MMP26: variants seen among roughly 807,000 people sequenced by gnomAD.
MMP26 encodes matrix metalloproteinase-26.
In MMP26, 33 loss-of-function variants were observed where a neutral mutation model predicts 31.0. The observed-to-expected ratio is 1.06, with a 90% CI of 0.81 to 1.42. MMP26 has a LOEUF of 1.42. Ranked by LOEUF, MMP26 falls within the 40% of genes most tolerant of loss-of-function variation. MMP26 has a pLI of 0.00. For missense variants in MMP26, 347 were observed against 316.1 expected (o/e 1.10, Z -0.74); for synonymous variants, 122 against 114.9 (o/e 1.06, Z -0.40).
At chr11:4,975,939 A>T (rs1846731306) in intron 2 of MMP26, among the ~76,000 whole-genome samples, 1 of 152,080 alleles carries the variant, frequency 6.6e-6, no homozygotes, top group African/African-American at 2.4e-5. Context: ...CAACCCAGCT[A>T]ATAACTTTGA....
intron 2 of MMP26, chr11:4,913,758 TG>T (rs1192728877): frequency 1.3e-5 from 2 of 152,154 alleles, no homozygotes; most frequent in African/African-American, 4.8e-5. Flanking sequence ...CAGAATACAC[TG>T]TCCTCTCTCT....
At chr11:4,877,281 A>G (rs944186157) in intron 2 of MMP26, 7 of 152,092 alleles carry the variant, frequency 4.6e-5, no homozygotes, top group African/African-American at 1.7e-4. Flanking sequence ...GGCTCTCAAC[A>G]CCTGTCTCTC....
intron 2 of MMP26, chr11:4,903,653 GGCCTAACCCTTTCTGTGTAA>G (rs1353853664): frequency 1.3e-5 from 2 of 151,918 alleles, no homozygotes; most frequent in African/African-American, 4.8e-5. Context: ...ACCAGCCCCA[GGCCTAACCCTTTCTGTGTAA>G]GCTTGATTAC....
At chr11:4,829,452 A>G (rs777572018) in intron 2 of MMP26, among the ~76,000 whole-genome samples, 2 of 152,094 alleles carry the variant, frequency 1.3e-5, no homozygotes, top group Non-Finnish European at 2.9e-5. Flanking sequence ...CTTATTTTCT[A>G]TTTTCTTTAT....
At chr11:4,718,066 C>G (rs1015058901) in intron 1 of MMP26, among the ~76,000 whole-genome samples, 1 of 152,128 alleles carries the variant, frequency 6.6e-6, no homozygotes, top group African/African-American at 2.4e-5. Flanking sequence ...AGACTGTATG[C>G]TTGTCCAGGG....
At chr11:4,831,649 C>T (rs1849647602) in intron 2 of MMP26, among the ~76,000 whole-genome samples, 1 of 152,114 alleles carries the variant, frequency 6.6e-6, no homozygotes, top group African/African-American at 2.4e-5. Flanking sequence ...TATATTTTCA[C>T]AGATGTGTAC....
intron 2 of MMP26, among the ~76,000 whole-genome samples, chr11:4,940,688 A>G (rs917979465): frequency 2.0e-5 from 3 of 152,156 alleles, no homozygotes; most frequent in Admixed American, 1.3e-4. Flanking sequence ...CTAAACGTTG[A>G]CTCAAGGGAC....
At chr11:4,957,537 C>G (rs959659499) in intron 2 of MMP26, among the ~76,000 whole-genome samples, 1 of 152,098 alleles carries the variant, frequency 6.6e-6, no homozygotes, top group Non-Finnish European at 1.5e-5. Flanking sequence ...ATGAGAAAAA[C>G]TGCAGATGTT....
At chr11:4,772,628 C>T (rs1848741308) in intron 2 of MMP26, among the ~76,000 whole-genome samples, 1 of 152,144 alleles carries the variant, frequency 6.6e-6, no homozygotes, top group Admixed American at 6.5e-5. Context: ...CTGTTCCCTG[C>T]TGTTTTCTTG....
chr11:4,778,501 C>G (rs1399196157), intron 2 of MMP26, among the ~76,000 whole-genome samples: 1 of 151,966 alleles, frequency 6.6e-6, no homozygotes, highest in Non-Finnish European at 1.5e-5. Flanking sequence ...TGTGTCTTTC[C>G]TTGCACCAAT....
chr11:4,915,577 G>T (rs1368901052), intron 2 of MMP26: 1 of 1,614,062 alleles, frequency 6.2e-7, no homozygotes, highest in Non-Finnish European at 8.5e-7. Context: ...AGATCCAGAT[G>T]TGCATGCGCT....
chr11:4,938,976 T>C (rs973505802), intron 2 of MMP26, among the ~76,000 whole-genome samples: 1 of 152,164 alleles, frequency 6.6e-6, no homozygotes, highest in African/African-American at 2.4e-5. Flanking sequence ...TATTAACTAA[T>C]ACCTAAAGCC....
In MMP26 at chr11:4,950,915, A is replaced by C. The variant is rs1490029762; in HGVS notation, c.-144-37153A>C. ...GAATATGTGGAGAACTAGAATGCTT[A>C]CACTTTGCTATTAGATGTGTAAATC... On this transcript the variant is annotated intron_variant, in intron 2 of 7. Coordinates refer to ENST00000380390, the MANE Select transcript of MMP26 (RefSeq NM_021801.5). Among the ~76,000 whole-genome samples, 4 of 124,090 alleles carry C rather than the reference A, an allele frequency of 3.2e-5. 1 individual carries two copies. The highest frequency in any genetic ancestry group is 1.1e-4 in the African/African-American group (4 of 36,706). 81.4% of individuals were successfully genotyped at this position (124,090 alleles called of 152,430 possible).
In MMP26 at chr11:4,962,522, C is replaced by T. The variant is rs1350691587; in HGVS notation, c.-144-25546C>T. Among the ~76,000 whole-genome samples the T allele has an allele frequency of 3.9e-5, 6 of 152,126 alleles. No homozygotes were observed. The South Asian group carries it at 6.2e-4, about 16-fold the overall frequency. On this transcript the variant is annotated intron_variant, in intron 2 of 7. Transcript: ENST00000380390. ...GGTCACTGTTGCTTTCTCACAGATG[C>T]CCATTGCAAGCTCAGTGGTTTCACA...
At chr11:4,706,863 A>G (rs1847787631) in intron 1 of MMP26, among the ~76,000 whole-genome samples, 1 of 152,174 alleles carries the variant, frequency 6.6e-6, no homozygotes, top group South Asian at 2.1e-4. Flanking sequence ...TGGAATCATG[A>G]AGTATTTCAT....
intron 2 of MMP26, among the ~76,000 whole-genome samples, chr11:4,844,370 T>C (rs1294988924): frequency 6.6e-6 from 1 of 152,126 alleles, no homozygotes; most frequent in African/African-American, 2.4e-5. Context: ...CTACTCAAAC[T>C]ATTCCAAAAT....
At chr11:4,860,553 C>A in intron 2 of MMP26, 2 of 464,080 alleles carry the variant, frequency 4.3e-6, no homozygotes, top group South Asian at 1.6e-5. Flanking sequence ...GTGATGCATT[C>A]AAGTTCGTCA....
chr11:4,849,516 T>C (rs547493758), intron 2 of MMP26, among the ~76,000 whole-genome samples: 2 of 152,312 alleles, frequency 1.3e-5, no homozygotes, highest in South Asian at 4.1e-4. Flanking sequence ...TGTAGTGTTA[T>C]CCTATTTTTT....
Position 4,982,003 on chromosome 11 carries a change from A to G in MMP26, c.-144-6065A>G, listed in dbSNP as rs1167204514. Among the ~76,000 whole-genome samples, 4 of 152,008 alleles carry G rather than the reference A, an allele frequency of 2.6e-5. No individual in the cohort carries two copies. In the East Asian group the frequency reaches 7.7e-4, roughly 29 times the overall value. On this transcript the variant is annotated intron_variant, in intron 2 of 7. Coordinates refer to ENST00000380390, the MANE Select transcript of MMP26 (RefSeq NM_021801.5). Reference sequence around the variant, plus strand: ...TATAACAACAATTCCTTCTTCTGAAATACCTCCTGACTGACCTGCCTGAAG... The same window carrying G: ...TATAACAACAATTCCTTCTTCTGAAGTACCTCCTGACTGACCTGCCTGAAG...
Sources: gnomAD v4.1 joint callset for allele counts (sites outside exome capture counted in the v4.1 genomes callset) on GRCh38, gnomAD v4.1.1 for gene constraint, MANE v1.5 for transcripts, NCBI Gene and HGNC (gene_info 2026-07-23, HGNC 2026-07-21) for gene names.